RAB43: variants seen among roughly 807,000 people sequenced by gnomAD.
The protein encoded by RAB43 is ras-related protein Rab-43.
In RAB43, 6 loss-of-function variants were observed where a neutral mutation model predicts 18.8. The ratio of observed to expected loss-of-function variants is 0.32; its 90% CI spans 0.17 to 0.63. The LOEUF (loss-of-function observed/expected upper bound fraction) is 0.63. Ranked by LOEUF, RAB43 falls within the 30% of genes least tolerant of loss-of-function variation. The pLI, the probability that RAB43 is intolerant of heterozygous loss-of-function variation, is 0.79. For missense variants in RAB43, 195 were observed against 289.1 expected (o/e 0.67, Z 2.36); for synonymous variants, 103 against 124.1 (o/e 0.83, Z 1.13).
intron 2 of RAB43, among the ~76,000 whole-genome samples, chr3:129,092,766 C>T (rs1321053376): frequency 1.3e-5 from 2 of 151,714 alleles, no homozygotes; most frequent in African/African-American, 4.8e-5. Flanking sequence ...ACCATCCTGG[C>T]TAACATGGTG....
intron 1 of RAB43, among the ~76,000 whole-genome samples, chr3:129,110,566 C>A (rs909222563): frequency 6.6e-6 from 1 of 152,170 alleles, no homozygotes; most frequent in Non-Finnish European, 1.5e-5. Context: ...TGGCTGGGCG[C>A]GGTGGCTCAC....
At chr3:129,115,288 A>G (rs1454663116) in intron 1 of RAB43, among the ~76,000 whole-genome samples, 2 of 147,500 alleles carry the variant, frequency 1.4e-5, no homozygotes, top group Non-Finnish European at 3.0e-5. Flanking sequence ...GGGAGTTCGA[A>G]ACCAGCCTGG....
chr3:129,093,361 C>A (rs1455089886), intron 2 of RAB43, among the ~76,000 whole-genome samples: 1 of 152,218 alleles, frequency 6.6e-6, no homozygotes, highest in Non-Finnish European at 1.5e-5. Flanking sequence ...CCTGTAATCC[C>A]AGCACTTTTA....
At chr3:129,113,718 C>CCAA (rs1935317816) in intron 1 of RAB43, among the ~76,000 whole-genome samples, 1 of 152,066 alleles carries the variant, frequency 6.6e-6, no homozygotes, top group Non-Finnish European at 1.5e-5. Context: ...ATTCATGAAC[C>CCAA]CAAAGCAGGT....
chr3:129,116,838 G>A (rs1935565349), intron 1 of RAB43, among the ~76,000 whole-genome samples: 2 of 152,024 alleles, frequency 1.3e-5, no homozygotes, highest in Non-Finnish European at 1.5e-5. Flanking sequence ...CTGCAAAAAC[G>A]AGTTTACATA....
intron 1 of RAB43, among the ~76,000 whole-genome samples, chr3:129,101,265 G>C (rs1934397539): frequency 6.6e-6 from 1 of 152,176 alleles, no homozygotes; most frequent in South Asian, 2.1e-4. Context: ...TATACACAAA[G>C]GAACTTAAAT....
Position 129,107,193 on chromosome 3 carries a change from GGTCT to G in RAB43, c.205-12028_205-12025del, listed in dbSNP as rs1344401032. On this transcript the variant is annotated intron_variant, in intron 1 of 2. Coordinates refer to ENST00000315150, the MANE Select transcript of RAB43 (RefSeq NM_198490.3). The surrounding 1 kb of genome is among the most constrained non-coding windows in gnomAD (Gnocchi z 4.2). ...GTCACAGGAATGAAGCATCAGCAGA[GGTCT>G]GTCTGACTCCGAAGCCTGGTGTCCT... Among the ~76,000 whole-genome samples, 6 of 152,336 alleles carry G rather than the reference GGTCT, an allele frequency of 3.9e-5. No individual in the cohort carries two copies. The highest frequency in any genetic ancestry group is 2.6e-4 in the Admixed American group (4 of 15,300).
At chr3:129,116,661 G>A (rs1230121773) in intron 1 of RAB43, among the ~76,000 whole-genome samples, 1 of 152,174 alleles carries the variant, frequency 6.6e-6, no homozygotes, top group African/African-American at 2.4e-5. Context: ...CAAAGGTCCT[G>A]AAATCTGGAG....
At position 129,091,195 on chromosome 3, in the gene RAB43, G is replaced by A. The variant is rs745344592; in HGVS notation, c.540C>T (p.Leu180=). The change falls in exon 3 of 3, where the codon CTC becomes CTT. Residue 180 remains leucine, a synonymous_variant. Coordinates refer to ENST00000315150, the MANE Select transcript of RAB43 (RefSeq NM_198490.3). ...ACAAGGGGCCCCCGTGCCGCATGAT[G>A]AGCTCCGTGGCCACCCTCAGGAAGG... ...EEAFLRVATE[L]IMRHGGPLFS... is the part of the protein sequence containing the mutation. 6.3e-7 allele frequency: 1 copy of A among 1,581,412 alleles called. No individual in the cohort carries two copies. Among genetic ancestry groups the A allele is most frequent in the Admixed American group, 1.8e-5 (1 of 56,080 alleles).
chr3:129,090,087 G>C lies in RAB43; in HGVS notation c.*1009C>G, dbSNP rs1933546256. ...AACCTTGGTGCCCAGCTCAGGGTGA[G>C]GCAGTTAAGGGTCCAGGGAATAAAA... On this transcript the variant is annotated 3_prime_UTR_variant, in exon 3 of 3. Transcript: ENST00000315150. 6.7e-6 allele frequency: 1 copy of C among 148,250 alleles called. No individual in the cohort carries two copies. Among genetic ancestry groups the C allele is most frequent in the Non-Finnish European group, 1.5e-5 (1 of 66,864 alleles). 9.2% of individuals were successfully genotyped at this position (148,250 alleles called of 1,614,324 possible).
chr3:129,097,634 G>A (rs1041589690), intron 1 of RAB43, among the ~76,000 whole-genome samples: 7 of 152,152 alleles, frequency 4.6e-5, no homozygotes, highest in Non-Finnish European at 1.0e-4. Flanking sequence ...ATGCCAGGAT[G>A]ATGGAAAGAG....
chr3:129,104,259 C>T (rs1240534044), intron 1 of RAB43, among the ~76,000 whole-genome samples: 1 of 152,176 alleles, frequency 6.6e-6, no homozygotes, highest in African/African-American at 2.4e-5. Context: ...GAGCGGAAAC[C>T]GCACTTTCTC....
rs1934001871 is a variant in RAB43 at position 129,095,661 on chromosome 3, G to A, written c.205-492C>T. On this transcript the variant is annotated intron_variant, in intron 1 of 2. Coordinates refer to ENST00000315150, the MANE Select transcript of RAB43 (RefSeq NM_198490.3). The surrounding 1 kb of genome is among the most constrained non-coding windows in gnomAD (Gnocchi z 4.2). The stretch of plus-strand genomic sequence containing the variant: ...CAGGACTCTACAGCTTGGTGATGAG[G>A]ACTGTGGGAAGGGTGACTGGTGGTG... Among the ~76,000 whole-genome samples, 1 of 152,230 alleles carries A rather than the reference G, an allele frequency of 6.6e-6. No individual in the cohort carries two copies. The highest frequency in any genetic ancestry group is 2.1e-4 in the South Asian group (1 of 4,832).
At position 129,090,933 on chromosome 3, in the gene RAB43, G is replaced by C; in HGVS notation, c.*163C>G. ...TATCCTGCTTCCCCTTCCTCAAGGA[G>C]AGCCTCCATCCCGCAGCCAGGCCAC... On this transcript the variant is annotated 3_prime_UTR_variant, in exon 3 of 3. Coordinates refer to ENST00000315150, the MANE Select transcript of RAB43 (RefSeq NM_198490.3). The C allele has an allele frequency of 1.8e-6, 1 of 549,898 alleles. No individual in the cohort carries two copies. The highest frequency in any genetic ancestry group is 3.2e-6 in the Non-Finnish European group (1 of 313,104). 34.1% of individuals were successfully genotyped at this position (549,898 alleles called of 1,614,324 possible).
At chr3:129,109,064 C>CA (rs758480697) in intron 1 of RAB43, among the ~76,000 whole-genome samples, 6,826 of 116,854 alleles carry the variant, frequency 0.058, 200 homozygotes, top group African/African-American at 0.11. Flanking sequence ...GTGACTCCTA[C>CA]AAAAAAAAAA....
chr3:129,108,689 T>C (rs1934944896), intron 1 of RAB43, among the ~76,000 whole-genome samples: 2 of 152,238 alleles, frequency 1.3e-5, no homozygotes, highest in African/African-American at 2.4e-5. Flanking sequence ...CCAAGGGTTC[T>C]TCCCTTTTAG....
intron 1 of RAB43, among the ~76,000 whole-genome samples, chr3:129,113,533 C>A (rs1935303604): frequency 6.6e-6 from 1 of 152,158 alleles, no homozygotes; most frequent in African/African-American, 2.4e-5. Context: ...TCAGAGTGGT[C>A]ATTCACGAGC....
At chr3:129,108,373 T>C (rs997397682) in intron 1 of RAB43, among the ~76,000 whole-genome samples, 2 of 152,252 alleles carry the variant, frequency 1.3e-5, no homozygotes, top group Non-Finnish European at 1.5e-5. Flanking sequence ...TGTCAGGCCA[T>C]GCAGTCCAAC....
At chr3:129,102,817 C>G (rs964800012) in intron 1 of RAB43, among the ~76,000 whole-genome samples, 1 of 152,132 alleles carries the variant, frequency 6.6e-6, no homozygotes, top group Non-Finnish European at 1.5e-5. Context: ...ACCAAGCCAG[C>G]TGGCATTAGG....
Sources: gnomAD v4.1 joint callset for allele counts (sites outside exome capture counted in the v4.1 genomes callset) on GRCh38, gnomAD v4.1.1 for gene constraint, Gnocchi (gnomAD v3.1) non-coding constraint, MANE v1.5 for transcripts, NCBI Gene and HGNC (gene_info 2026-07-23, HGNC 2026-07-21) for gene names.